The following UTP18 variants were observed in gnomAD, a reference collection of about 807,000 sequenced individuals.
UTP18 encodes UTP18 small subunit processome component, also known as U3 small nucleolar RNA-associated protein 18 homolog.
A neutral mutation model predicts 61.1 loss-of-function variants in UTP18; 36 were observed. The ratio of observed to expected loss-of-function variants is 0.59; its 90% confidence interval spans 0.45 to 0.78. The LOEUF (loss-of-function observed/expected upper bound fraction) is 0.78, where lower values mean the gene tolerates loss of function less well. UTP18 is among the 30% of genes least tolerant of loss of function. UTP18 has a pLI of 0.00. For missense variants in UTP18, 753 were observed against 693.9 expected (o/e 1.09, Z -0.96); for synonymous variants, 282 against 251.1 (o/e 1.12, Z -1.16).
intron 3 of UTP18, 85 bp from the exon 4 acceptor site, chr17:51,268,752 A>G: frequency 3.7e-6 from 4 of 1,094,296 alleles, no homozygotes; most frequent in Non-Finnish European, 5.5e-6. Flanking sequence ...CTCAAGGGTG[A>G]TTCAACGTAT....
intron 9 of UTP18, among the ~76,000 whole-genome samples, chr17:51,281,162 A>ATG (rs112607605): frequency 1.0e-5 from 1 of 100,098 alleles, no homozygotes; most frequent in African/African-American, 3.9e-5. Context: ...ATATATATAT[A>ATG]TATTTTTTTT....
chr17:51,287,321 T>C (rs1264197092), intron 10 of UTP18, among the ~76,000 whole-genome samples: 1 of 152,208 alleles, frequency 6.6e-6, no homozygotes, highest in Non-Finnish European at 1.5e-5. Flanking sequence ...AGCAAATCTT[T>C]AAGCTTTTAG....
chr17:51,263,275 T>A lies in UTP18; in HGVS notation c.344T>A (p.Val115Asp), dbSNP rs1210028394. ...TTGAGGGTGTTTTGTCTGCTGTAGG[T>A]TCAAGAACATGAAGACTCGGGTGAC... ...ALLRRLRGPR[V>D]QEHEDSGDSE... Residue 115 changes from valine (V) to aspartate (D), a missense_variant and splice_region_variant, in exon 2 of 14, where the codon GTT becomes GAT. Transcript: ENST00000225298. The A allele has an allele frequency of 6.2e-7, 1 of 1,613,924 alleles. No individual in the cohort carries two copies. The highest frequency in any genetic ancestry group is 8.5e-7 in the Non-Finnish European group (1 of 1,179,958).
chr17:51,291,946 C>T (rs545664383), intron 11 of UTP18, among the ~76,000 whole-genome samples: 1 of 152,104 alleles, frequency 6.6e-6, no homozygotes, highest in African/African-American at 2.4e-5. Context: ...GCTTTGTCCT[C>T]ACCCCTTGTA....
chr17:51,280,186 C>A, intron 8 of UTP18, 81 bp downstream of exon 8: 1 of 1,436,672 alleles, frequency 7.0e-7, no homozygotes, highest in Non-Finnish European at 9.6e-7. Flanking sequence ...CTCAGTGTGT[C>A]CTTAAATCTG....
intron 12 of UTP18, 35 bp downstream of exon 12, chr17:51,294,080 C>T: frequency 6.6e-7 from 1 of 1,512,114 alleles, no homozygotes; most frequent in Non-Finnish European, 8.8e-7. Context: ...TCAGAGATAC[C>T]TATAAACTAC....
Position 51,285,247 on chromosome 17 carries a change from G to A in UTP18, c.1207G>A (p.Asp403Asn). ...CTTTTTTTCGCTCTTTTATGCAGGG[G>A]ATGGAGAAGTTTATGTTTGGGATGT... Reference protein sequence around the residue: ...DSKKVYASSGDGEVYVWDVNS... With the variant: ...DSKKVYASSGNGEVYVWDVNS... The change falls in exon 10 of 14, where the codon GAT becomes AAT. Residue 403 changes from aspartate to asparagine, a missense_variant and splice_region_variant. Physicochemically the swap from Asp to Asn is conservative, Grantham distance 23. Transcript: ENST00000225298. The A allele has an allele frequency of 6.2e-7, 1 of 1,613,414 alleles. No homozygotes were observed. Among genetic ancestry groups the A allele is most frequent in the Non-Finnish European group, 8.5e-7 (1 of 1,179,826 alleles).
intron 9 of UTP18, among the ~76,000 whole-genome samples, chr17:51,281,431 TTC>T (rs1271490597): frequency 1.3e-5 from 2 of 152,142 alleles, no homozygotes; most frequent in Admixed American, 6.5e-5. Flanking sequence ...TTTTTCTCTA[TTC>T]TCTCTTTTGT....
chr17:51,272,216 A>C (rs528103192), intron 4 of UTP18, among the ~76,000 whole-genome samples: 1 of 152,168 alleles, frequency 6.6e-6, no homozygotes, highest in South Asian at 2.1e-4. Context: ...CTCTTGCTTC[A>C]GCCTCCCAAG....
intron 3 of UTP18, 99 bp downstream of exon 3, chr17:51,266,379 A>G: frequency 1.3e-6 from 1 of 799,922 alleles, no homozygotes; most frequent in African/African-American, 1.8e-5. Flanking sequence ...ATTTTGAAAC[A>G]GTAAGAGGAT....
chr17:51,294,978 T>G (rs1905328281), intron 12 of UTP18, among the ~76,000 whole-genome samples: 2 of 152,180 alleles, frequency 1.3e-5, no homozygotes, highest in Admixed American at 1.3e-4. Context: ...TTTTCATGTG[T>G]TTTTTGGCTG....
At chr17:51,264,909 TTGA>T (rs1188209223) in intron 2 of UTP18, among the ~76,000 whole-genome samples, 1 of 151,878 alleles carries the variant, frequency 6.6e-6, no homozygotes, top group Non-Finnish European at 1.5e-5. Flanking sequence ...TCTCGAACTG[TTGA>T]CCTCAAGTGA....
intron 2 of UTP18, 117 bp from the exon 3 acceptor site, chr17:51,266,065 C>A: frequency 2.8e-6 from 2 of 714,122 alleles, no homozygotes; most frequent in Non-Finnish European, 4.2e-6. Flanking sequence ...ATGTTCACAT[C>A]TTAAAAATCT....
chr17:51,294,149 C>G (rs1905301784), intron 12 of UTP18, 104 bp downstream of exon 12: 1 of 910,286 alleles, frequency 1.1e-6, no homozygotes. Flanking sequence ...AAATTCTAGT[C>G]TGTTTATCTT....
At chr17:51,285,152 C>T (rs748784742) in intron 9 of UTP18, 93 bp from the exon 10 acceptor site, 1 of 1,406,376 alleles carries the variant, frequency 7.1e-7, no homozygotes, top group Non-Finnish European at 9.9e-7. Context: ...TTGTAGTCTC[C>T]TGTACTGTTA....
rs9911123 is a variant in UTP18 at position 51,266,297 on chromosome 17, A to C, written c.554+17A>C. On this transcript the variant is annotated intron_variant, in intron 3 of 13. Coordinates refer to ENST00000225298, the MANE Select transcript of UTP18 (RefSeq NM_016001.3). ...TAAAGAAGAGTAAGTGTCTTTTTTC[A>C]TATGATTTACCAAGAGGTGTATGTA... The C allele has an allele frequency of 1.3e-6, 2 of 1,558,702 alleles. No individual in the cohort carries two copies. The highest frequency in any genetic ancestry group is 4.0e-5 in the Admixed American group (2 of 50,072).
chr17:51,277,530 T>A (rs952287004), intron 7 of UTP18, among the ~76,000 whole-genome samples: 1 of 152,166 alleles, frequency 6.6e-6, no homozygotes, highest in African/African-American at 2.4e-5. Context: ...GAAATATATA[T>A]TCCCCCTACA....
intron 3 of UTP18, 145 bp from the exon 4 acceptor site, chr17:51,268,692 C>T (rs1598475481): frequency 7.6e-6 from 5 of 655,836 alleles, no homozygotes; most frequent in Non-Finnish European, 1.3e-5. Flanking sequence ...AAGATAATAA[C>T]TTCTGTTCTT....
At chr17:51,263,036 TG>T (rs1264357363) in intron 1 of UTP18, among the ~76,000 whole-genome samples, 2 of 152,240 alleles carry the variant, frequency 1.3e-5, no homozygotes, top group Non-Finnish European at 1.5e-5. Flanking sequence ...GCGTGTTGAG[TG>T]TTGACTTTTT....
Sources: allele counts gnomAD v4.1 joint callset (sites outside exome capture counted in the v4.1 genomes callset), GRCh38; gene constraint gnomAD v4.1.1; transcripts MANE v1.5; gene names NCBI Gene and HGNC (gene_info 2026-07-23, HGNC 2026-07-21).